Variants in P4HA3 observed in about 807,000 individuals in gnomAD.
The protein encoded by P4HA3 is prolyl 4-hydroxylase subunit alpha-3.
In P4HA3, 60 loss-of-function variants were observed where a neutral mutation model predicts 66.7. That is an observed-to-expected ratio of 0.90 (90% CI 0.73 to 1.12). The LOEUF is 1.12. Ranked by LOEUF, P4HA3 falls within the 50% of genes most tolerant of loss-of-function variation. The pLI is 0.00. For missense variants in P4HA3, 683 were observed against 685.8 expected (o/e 1.00, Z 0.05); for synonymous variants, 263 against 274.6 (o/e 0.96, Z 0.42).
intron 1 of P4HA3, among the ~76,000 whole-genome samples, chr11:74,307,024 C>G (rs1861600904): frequency 6.6e-6 from 1 of 152,082 alleles, no homozygotes; most frequent in Non-Finnish European, 1.5e-5. Flanking sequence ...AAAATCTTAA[C>G]AAGCGGAGAC....
chr11:74,286,721 C>CTCAT (rs561301712), intron 5 of P4HA3, among the ~76,000 whole-genome samples: 55 of 152,254 alleles, frequency 3.6e-4, no homozygotes, highest in African/African-American at 1.3e-3. Context: ...AAGATGAAGC[C>CTCAT]TCATTCATTC....
At chr11:74,285,568 G>C (rs892055150) in intron 7 of P4HA3, 2 of 439,740 alleles carry the variant, frequency 4.5e-6, no homozygotes, top group African/African-American at 2.0e-5. Flanking sequence ...AAGATATTGA[G>C]AGCACATTTT....
intron 9 of P4HA3, among the ~76,000 whole-genome samples, chr11:74,276,041 A>G (rs891508736): frequency 6.6e-6 from 1 of 152,228 alleles, no homozygotes; most frequent in African/African-American, 2.4e-5. Context: ...TAAGTGAACT[A>G]ACTCAAAAGC....
intron 5 of P4HA3, among the ~76,000 whole-genome samples, chr11:74,288,376 T>C (rs1591115187): frequency 1.3e-5 from 2 of 152,206 alleles, no homozygotes; most frequent in Admixed American, 6.5e-5. Flanking sequence ...CTGAGTCACT[T>C]TCCTTCTTGC....
chr11:74,257,866 T>A (rs878912884), intron 15 of P4HA3, among the ~76,000 whole-genome samples: 2 of 152,090 alleles, frequency 1.3e-5, no homozygotes, highest in Admixed American at 1.3e-4. Flanking sequence ...AGTCTCATTA[T>A]TTTGGAGGTG....
chr11:74,266,682 G>A lies in P4HA3; in HGVS notation c.*566C>T, dbSNP rs1171766853. The A allele has an allele frequency of 5.4e-6, 1 of 183,810 alleles. No individual in the cohort carries two copies. The highest frequency in any genetic ancestry group is 2.4e-5 in the African/African-American group (1 of 42,334). The allele number at this position is 183,810 out of a possible 1,614,324, so 11.4% of individuals were successfully genotyped here. On this transcript the variant is annotated 3_prime_UTR_variant, in exon 13 of 13. Transcript: ENST00000331597. ...TGATTTATAAACATTTTTAATGACT[G>A]TGTTAAAAAACCATCATACAAAAAG... is the stretch of plus-strand genomic sequence containing the variant.
chr11:74,302,305 A>T, intron 3 of P4HA3, 64 bp downstream of exon 3: 3 of 1,380,304 alleles, frequency 2.2e-6, no homozygotes, highest in Non-Finnish European at 2.0e-6. Flanking sequence ...ATCAATCGGT[A>T]CATAGTTATT....
chr11:74,281,174 T>C (rs1251300538), intron 7 of P4HA3, among the ~76,000 whole-genome samples: 1 of 152,016 alleles, frequency 6.6e-6, no homozygotes, highest in African/African-American at 2.4e-5. Context: ...CCACAATGAG[T>C]TACCATCTCA....
chr11:74,252,248 T>TG (rs1189649501), intron 15 of P4HA3, among the ~76,000 whole-genome samples: 3 of 148,280 alleles, frequency 2.0e-5, no homozygotes, highest in African/African-American at 5.2e-5. Flanking sequence ...TGTTTTTTTT[T>TG]TTGTTTTTTT....
At chr11:74,250,789 T>C (rs1471026539) in intron 15 of P4HA3, 3 of 605,482 alleles carry the variant, frequency 5.0e-6, no homozygotes, top group Non-Finnish European at 8.9e-6. Flanking sequence ...AAGGTTACAA[T>C]TACTTGTATT....
At chr11:74,256,926 G>T (rs73549059) in intron 15 of P4HA3, among the ~76,000 whole-genome samples, 15,926 of 152,168 alleles carry the variant, frequency 0.1, 2,233 homozygotes, top group African/African-American at 0.32. Context: ...AGCATTTGCT[G>T]ATTAAGCAAA....
chr11:74,273,612 G>C lies in P4HA3; in HGVS notation c.1336-5C>G. On this transcript the variant is annotated splice_region_variant and splice_polypyrimidine_tract_variant and intron_variant, in intron 9 of 12. Transcript: ENST00000331597. Reference sequence around the variant, plus strand: ...GTAGAGGGGGCTGCTTGGTGACTGAGAAAAAAAAAAACAGAACATATTATT... The same window carrying C: ...GTAGAGGGGGCTGCTTGGTGACTGACAAAAAAAAAAACAGAACATATTATT... The C allele has an allele frequency of 7.9e-7, 1 of 1,272,898 alleles. No homozygotes were observed. The highest frequency in any genetic ancestry group is 1.1e-6 in the Non-Finnish European group (1 of 950,314). 78.9% of individuals were successfully genotyped at this position (1,272,898 alleles called of 1,614,324 possible).
chr11:74,309,611 G>T (rs1861668142), intron 1 of P4HA3, among the ~76,000 whole-genome samples: 1 of 152,130 alleles, frequency 6.6e-6, no homozygotes. Context: ...AATAAGCTTG[G>T]ACTCCAATGA....
chr11:74,253,650 T>A, intron 15 of P4HA3: 1 of 902,394 alleles, frequency 1.1e-6, no homozygotes, highest in Non-Finnish European at 1.8e-6. Flanking sequence ...CCCCGAGATG[T>A]ACCAACCTTT....
intron 1 of P4HA3, among the ~76,000 whole-genome samples, chr11:74,307,752 G>T (rs555061071): frequency 7.2e-5 from 11 of 152,298 alleles, no homozygotes; most frequent in Non-Finnish European, 1.2e-4. Context: ...CATAAAATTT[G>T]CAACCCAATC....
rs536232649 is a variant in P4HA3 at position 74,299,846 on chromosome 11, G to A, written c.568-1485C>T. Among the ~76,000 whole-genome samples, 18 of 152,150 alleles carry A rather than the reference G, an allele frequency of 1.2e-4. No homozygotes were observed. The East Asian group carries it at 3.5e-3, about 29-fold the overall frequency. On this transcript the variant is annotated intron_variant, in intron 3 of 12. Transcript: ENST00000331597. ...TAATGCCCATATGAGGATAGAAGAT[G>A]AGCCATCCTTAGACCTGCCCCAAGC... is the stretch of plus-strand genomic sequence containing the variant.
downstream of P4HA3, among the ~76,000 whole-genome samples, chr11:74,262,628 A>G (rs2135697322): frequency 6.6e-6 from 1 of 152,202 alleles, no homozygotes; most frequent in East Asian, 1.9e-4. Context: ...TGTTGTGAAT[A>G]TGATACAGGA....
intron 4 of P4HA3, among the ~76,000 whole-genome samples, chr11:74,290,843 C>T (rs548912817): frequency 3.4e-4 from 51 of 152,168 alleles, no homozygotes; most frequent in Admixed American, 1.2e-3. Flanking sequence ...TTTTGGTTAC[C>T]GTAGCCTTGT....
chr11:74,292,742 G>A (rs1861075072), intron 4 of P4HA3, among the ~76,000 whole-genome samples: 1 of 152,162 alleles, frequency 6.6e-6, no homozygotes, highest in South Asian at 2.1e-4. Flanking sequence ...CAGTTTCCAT[G>A]TAGTTGAGCG....
Sources: gnomAD v4.1 joint callset for allele counts (sites outside exome capture counted in the v4.1 genomes callset) on GRCh38, gnomAD v4.1.1 for gene constraint, MANE v1.5 for transcripts, NCBI Gene and HGNC (gene_info 2026-07-23, HGNC 2026-07-21) for gene names.